ASB4: variants seen among roughly 807,000 people sequenced by gnomAD.
ASB4 encodes ankyrin repeat and SOCS box containing 4.
ASB4 carries 35 observed loss-of-function variants against 38.6 expected under a neutral mutation model. The ratio of observed to expected loss-of-function variants is 0.91; its 90% CI spans 0.69 to 1.20. The LOEUF (loss-of-function observed/expected upper bound fraction) is 1.20. Among genes scored for constraint, ASB4 ranks in the 50% most tolerant of loss-of-function variants. The probability of loss-of-function intolerance (pLI) is 0.00; values close to 1 mark genes in which losing one functional copy is unlikely to be tolerated. For synonymous variants in ASB4, 195 were observed against 201.3 expected (o/e 0.97, Z 0.26); for missense variants, 557 against 527.2 (o/e 1.06, Z -0.55).
At chr7:95,526,030 T>A (rs1456266873) in intron 2 of ASB4, among the ~76,000 whole-genome samples, 4 of 152,180 alleles carry the variant, frequency 2.6e-5, no homozygotes, top group African/African-American at 7.2e-5. Context: ...GTAAACGGAT[T>A]TTTTTTAAAG....
chr7:95,541,625 A>C (rs781495924), downstream of ASB4, among the ~76,000 whole-genome samples: 1 of 152,206 alleles, frequency 6.6e-6, no homozygotes, highest in Non-Finnish European at 1.5e-5. Context: ...ATTAGTAAAC[A>C]TGCCAACCAA....
chr7:95,482,395 T>G (rs1790028168), upstream of ASB4, among the ~76,000 whole-genome samples: 1 of 152,210 alleles, frequency 6.6e-6, no homozygotes, highest in South Asian at 2.1e-4. Flanking sequence ...AATTTCATTC[T>G]GAAGTCATGT....
At chr7:95,523,828 A>G (rs1790696841) in intron 2 of ASB4, among the ~76,000 whole-genome samples, 1 of 152,222 alleles carries the variant, frequency 6.6e-6, no homozygotes, top group African/African-American at 2.4e-5. Flanking sequence ...TAAAATGACT[A>G]TATAATTACA....
Position 95,521,598 on chromosome 7 carries a change from G to A in ASB4, c.488-6215G>A, listed in dbSNP as rs1315660295. On this transcript the variant is annotated intron_variant, in intron 2 of 4. Coordinates refer to ENST00000325885, the MANE Select transcript of ASB4 (RefSeq NM_016116.3). Reference sequence around the variant, plus strand: ...ACAGTTTGAAAGATATTTACTATTGGGAAAAAGCTAAAACAACTTTACCAT... The same window carrying A: ...ACAGTTTGAAAGATATTTACTATTGAGAAAAAGCTAAAACAACTTTACCAT... Among the ~76,000 whole-genome samples the A allele has an allele frequency of 4.6e-5, 7 of 151,648 alleles. No homozygotes were observed. The South Asian group carries it at 1.2e-3, about 27-fold the overall frequency.
chr7:95,542,273 T>A (rs1301557509), downstream of ASB4: 2 of 152,196 alleles, frequency 1.3e-5, no homozygotes, highest in East Asian at 3.8e-4. Flanking sequence ...AAAAATTAGA[T>A]GCTGTCTAAC....
At chr7:95,477,501 G>T (rs1789987730), upstream of ASB4, among the ~76,000 whole-genome samples, 1 of 152,102 alleles carries the variant, frequency 6.6e-6, no homozygotes, top group Non-Finnish European at 1.5e-5. Flanking sequence ...ATACACTAGT[G>T]TGGCTGCTTA....
chr7:95,488,212 C>G (rs999258507), intron 1 of ASB4, among the ~76,000 whole-genome samples: 1 of 152,146 alleles, frequency 6.6e-6, no homozygotes, highest in Non-Finnish European at 1.5e-5. Context: ...GCGGTGGCGG[C>G]CGCCTGTAGT....
At chr7:95,515,467 G>A (rs2116625789) in intron 2 of ASB4, among the ~76,000 whole-genome samples, 1 of 141,106 alleles carries the variant, frequency 7.1e-6, no homozygotes, top group South Asian at 2.2e-4. Flanking sequence ...CTAGGTTGGA[G>A]TGCAGTGATG....
At chr7:95,544,851 C>T (rs553504362), downstream of ASB4, among the ~76,000 whole-genome samples, 11 of 152,024 alleles carry the variant, frequency 7.2e-5, no homozygotes, top group East Asian at 1.9e-4. Context: ...CATGCCATCA[C>T]GCCCAGCTAA....
chr7:95,505,179 T>C, intron 2 of ASB4, among the ~76,000 whole-genome samples: 1 of 152,224 alleles, frequency 6.6e-6, no homozygotes, highest in East Asian at 1.9e-4. Flanking sequence ...TGGCCGTTAT[T>C]TAAAACAGGA....
rs1249430167 is a variant in ASB4, at chr7:95,515,267, C to CCT, written c.488-12546_488-12545insCT. ...TCTTTCTTTCCTTCTTTCTTTCTTTCTCTTTCTTTCTTTCTTTCTTTCTTT... is the reference window on the plus strand; with the variant it reads ...TCTTTCTTTCCTTCTTTCTTTCTTTCCTTCTTTCTTTCTTTCTTTCTTTCTTT... On this transcript the variant is annotated intron_variant, in intron 2 of 4. Coordinates refer to ENST00000325885, the MANE Select transcript of ASB4 (RefSeq NM_016116.3). 7.0e-3 allele frequency among the ~76,000 whole-genome samples: 507 copies of CCT among 72,432 alleles called. 7 individuals carry two copies. The highest frequency in any genetic ancestry group is 0.022 in the African/African-American group (449 of 20,534). 47.5% of individuals were successfully genotyped at this position (72,432 alleles called of 152,430 possible). A position where few individuals can be genotyped will look rare whatever the true frequency, so the allele number is the denominator to read the frequency against.
At chr7:95,493,427 C>A (rs2116585298) in intron 1 of ASB4, among the ~76,000 whole-genome samples, 1 of 149,580 alleles carries the variant, frequency 6.7e-6, no homozygotes, top group Non-Finnish European at 1.5e-5. Flanking sequence ...TTGGAGGATA[C>A]ATTACAGAAA....
rs1212274575 is a variant in ASB4 at position 95,538,393 on chromosome 7, G to A, written c.*634G>A. ...GGACATTTGAACCAGACATCACTGA[G>A]CCAGAGACTGGAGATGCAAAGATGA... On this transcript the variant is annotated 3_prime_UTR_variant, in exon 5 of 5. Transcript: ENST00000325885. The A allele has an allele frequency of 6.6e-6, 1 of 152,246 alleles. No individual in the cohort carries two copies. Among genetic ancestry groups the A allele is most frequent in the Non-Finnish European group, 1.5e-5 (1 of 68,070 alleles). The allele number at this position is 152,246 out of a possible 1,614,324, so 9.4% of individuals were successfully genotyped here. A position where few individuals can be genotyped will look rare whatever the true frequency, so the allele number is the denominator to read the frequency against.
intron 2 of ASB4, among the ~76,000 whole-genome samples, chr7:95,518,867 C>T (rs1284322043): frequency 1.3e-5 from 2 of 152,182 alleles, no homozygotes; most frequent in Non-Finnish European, 2.9e-5. Context: ...AAAAGGAAGA[C>T]TTGAGCCAGA....
At chr7:95,499,192 C>T (rs1444389112) in intron 2 of ASB4, among the ~76,000 whole-genome samples, 1 of 152,014 alleles carries the variant, frequency 6.6e-6, no homozygotes, top group African/African-American at 2.4e-5. Context: ...GAACAGAGCC[C>T]TGGACTAAAG....
chr7:95,484,125 G>GCA (rs141143935), upstream of ASB4, among the ~76,000 whole-genome samples: 4,815 of 151,654 alleles, frequency 0.032, 244 homozygotes, highest in African/African-American at 0.11. Context: ...CTTAGGAGTC[G>GCA]GAGATCAGCC....
the ASB4 span, among the ~76,000 whole-genome samples, chr7:95,546,785 C>T: frequency 4.6e-5 from 7 of 152,128 alleles, no homozygotes; most frequent in South Asian, 2.1e-4. Context: ...GCAGGGCTGC[C>T]GGCACAGGAT....
intron 2 of ASB4, among the ~76,000 whole-genome samples, chr7:95,513,889 T>G (rs1467489581): frequency 6.6e-6 from 1 of 152,210 alleles, no homozygotes; most frequent in Non-Finnish European, 1.5e-5. Flanking sequence ...GTCATCTGTC[T>G]GTCAATTCTG....
chr7:95,500,428 C>G (rs1790318439), intron 2 of ASB4, among the ~76,000 whole-genome samples: 4 of 151,624 alleles, frequency 2.6e-5, no homozygotes, highest in Admixed American at 2.6e-4. Flanking sequence ...ATTAACCAGG[C>G]ATGGTGGTGC....
Sources: allele counts gnomAD v4.1 joint callset (sites outside exome capture counted in the v4.1 genomes callset), GRCh38; gene constraint gnomAD v4.1.1; transcripts MANE v1.5; gene names NCBI Gene and HGNC (gene_info 2026-07-23, HGNC 2026-07-21).